AFG2A: variants seen among roughly 807,000 people sequenced by gnomAD.
The protein encoded by AFG2A is ATPase family gene 2 protein homolog A.
At chr4:123,001,913 C>T in the AFG2A span, among the ~76,000 whole-genome samples, 1 of 152,132 alleles carries the variant, frequency 6.6e-6, no homozygotes, top group African/African-American at 2.4e-5. Context: ...GTGTTAAAGT[C>T]TCCCATTATT....
the AFG2A span, chr4:122,947,156 T>C: frequency 7.1e-7 from 1 of 1,399,596 alleles, no homozygotes. Flanking sequence ...TCCTTGTCTA[T>C]ACAGCCAGTG....
At chr4:122,935,980 A>G in the AFG2A span, 5 of 1,307,120 alleles carry the variant, frequency 3.8e-6, no homozygotes, top group East Asian at 1.0e-4. Flanking sequence ...ATTGTTTGGA[A>G]AATTCTTTTT....
the AFG2A span, among the ~76,000 whole-genome samples, chr4:123,094,792 A>G: frequency 6.6e-6 from 1 of 151,990 alleles, no homozygotes; most frequent in Non-Finnish European, 1.5e-5. Flanking sequence ...TTTTCTAGAA[A>G]GTCTACCACG....
At chr4:123,228,654 C>T in the AFG2A span, among the ~76,000 whole-genome samples, 1 of 151,816 alleles carries the variant, frequency 6.6e-6, no homozygotes, top group South Asian at 2.1e-4. Context: ...TACAGCAACC[C>T]GGAGAGGCAA....
chr4:123,063,074 A>T, the AFG2A span, among the ~76,000 whole-genome samples: 12 of 152,130 alleles, frequency 7.9e-5, no homozygotes, highest in African/African-American at 2.7e-4. Flanking sequence ...TTTCCTAATT[A>T]TATGATGGAT....
At chr4:123,046,592 A>G in the AFG2A span, among the ~76,000 whole-genome samples, 1 of 152,158 alleles carries the variant, frequency 6.6e-6, no homozygotes, top group African/African-American at 2.4e-5. Context: ...TCAAATTGGG[A>G]TAATTGGAGT....
At chr4:123,127,080 G>C in the AFG2A span, among the ~76,000 whole-genome samples, 1 of 152,046 alleles carries the variant, frequency 6.6e-6, no homozygotes, top group Admixed American at 6.6e-5. Flanking sequence ...ATCAGCTGTA[G>C]CCCTGGCTAC....
chr4:123,046,105 A>AG, the AFG2A span, among the ~76,000 whole-genome samples: 8 of 152,012 alleles, frequency 5.3e-5, no homozygotes, highest in African/African-American at 1.4e-4. Flanking sequence ...TCAAAAAAAA[A>AG]AAAGAAAGAA....
chr4:123,112,406 T>C, the AFG2A span, among the ~76,000 whole-genome samples: 1 of 152,200 alleles, frequency 6.6e-6, no homozygotes, highest in Non-Finnish European at 1.5e-5. Context: ...TCTTTTGAGT[T>C]ACATGTTAGA....
the AFG2A span, among the ~76,000 whole-genome samples, chr4:123,052,942 G>A: frequency 1.3e-5 from 2 of 151,406 alleles, no homozygotes; most frequent in African/African-American, 2.4e-5. Flanking sequence ...TCCAAAGGGT[G>A]AAGAATCTGG....
At chr4:123,028,079 T>C in the AFG2A span, 1 of 909,190 alleles carries the variant, frequency 1.1e-6, no homozygotes, top group Non-Finnish European at 1.7e-6. Flanking sequence ...TCTTAAATGG[T>C]TCTATTCTTT....
At chr4:123,184,218 CAAAT>C in the AFG2A span, among the ~76,000 whole-genome samples, 1 of 152,068 alleles carries the variant, frequency 6.6e-6, no homozygotes. Flanking sequence ...AATCTGATAT[CAAAT>C]AACTCTACCT....
At chr4:122,930,534 A>G in the AFG2A span, among the ~76,000 whole-genome samples, 887 of 152,342 alleles carry the variant, frequency 5.8e-3, 5 homozygotes, top group Non-Finnish European at 0.01. Context: ...AGTTTAATGA[A>G]CAATAAAAAG....
chr4:123,229,254 A>G, the AFG2A span, among the ~76,000 whole-genome samples: 1 of 152,020 alleles, frequency 6.6e-6, no homozygotes, highest in Non-Finnish European at 1.5e-5. Context: ...TCCCTGAGTT[A>G]TTGATTTTTA....
the AFG2A span, among the ~76,000 whole-genome samples, chr4:123,299,135 G>GTT: frequency 6.6e-6 from 1 of 151,710 alleles, no homozygotes; most frequent in Non-Finnish European, 1.5e-5. Flanking sequence ...GTGTGTGTGT[G>GTT]TGTGTGTGTG....
At chr4:123,200,576 C>T in the AFG2A span, among the ~76,000 whole-genome samples, 1 of 152,170 alleles carries the variant, frequency 6.6e-6, no homozygotes, top group Admixed American at 6.5e-5. Context: ...GAGAGTGCTC[C>T]TATGCATACC....
chr4:123,215,772 A>G, the AFG2A span, among the ~76,000 whole-genome samples: 5 of 152,064 alleles, frequency 3.3e-5, no homozygotes, highest in Non-Finnish European at 7.4e-5. Context: ...GCCTGAATGA[A>G]TCTCTTCAGT....
At chr4:123,067,415 G>T in the AFG2A span, among the ~76,000 whole-genome samples, 10 of 152,026 alleles carry the variant, frequency 6.6e-5, no homozygotes, top group Admixed American at 5.2e-4. Flanking sequence ...TACTCGAGAG[G>T]CTGAGGCAGG....
the AFG2A span, chr4:122,934,033 A>G: frequency 4.1e-6 from 6 of 1,447,436 alleles, no homozygotes; most frequent in Non-Finnish European, 5.6e-6. Context: ...ATATATTGCT[A>G]TTTAAACATT....
Sources: gnomAD v4.1 joint callset for allele counts (sites outside exome capture counted in the v4.1 genomes callset) on GRCh38, gnomAD v4.1.1 for gene constraint, MANE v1.5 for transcripts, NCBI Gene and HGNC (gene_info 2026-07-23, HGNC 2026-07-21) for gene names.